EYS: variants seen among roughly 807,000 people sequenced by gnomAD.
EYS encodes the protein EGF-like photoreceptor maintenance factor, also known as protein eyes shut homolog.
In EYS, 250 loss-of-function variants were observed where a neutral mutation model predicts 282.1. The observed-to-expected ratio is 0.89, with a 90% CI of 0.80 to 0.98. EYS has a LOEUF of 0.98. Among genes scored for constraint, EYS ranks in the 50% least tolerant of loss-of-function variants. The probability of loss-of-function intolerance (pLI) is 0.00; values close to 1 mark genes in which losing one functional copy is unlikely to be tolerated. For missense variants in EYS, 4,016 were observed against 3,709.0 expected, an observed-to-expected ratio of 1.08 and a Z score of -2.15; for synonymous variants, 1,355 against 1,282.9, an observed-to-expected ratio of 1.06 and a Z score of -1.20.
Position 64,541,551 on chromosome 6 carries a change from T to C in EYS, c.5644+48672A>G, listed in dbSNP as rs559511880. Among the ~76,000 whole-genome samples the C allele has an allele frequency of 2.6e-5, 4 of 152,338 alleles. No individual in the cohort carries two copies. In the South Asian group the frequency reaches 8.3e-4, roughly 32 times the overall value. ...TCCTTCCTCTCTGTTTCATTTTTTT[T>C]TCAGAAGCCTCCAACATACCATGTT... On this transcript the variant is annotated intron_variant, in intron 26 of 42. Coordinates refer to ENST00000503581, the MANE Select transcript of EYS (RefSeq NM_001142800.2).
intron 22 of EYS, among the ~76,000 whole-genome samples, chr6:64,690,063 T>A (rs1409551197): frequency 6.6e-6 from 1 of 151,642 alleles, no homozygotes; most frequent in African/African-American, 2.4e-5. Context: ...GGAGAAAATT[T>A]TTGCAATCTA....
At chr6:63,914,207 T>C (rs1229045249) in intron 35 of EYS, among the ~76,000 whole-genome samples, 1 of 152,172 alleles carries the variant, frequency 6.6e-6, no homozygotes, top group African/African-American at 2.4e-5. Context: ...CAATGACCTC[T>C]AAGTGTTTAA....
chr6:64,994,054 G>A (rs1459350758), intron 14 of EYS, among the ~76,000 whole-genome samples: 1 of 151,446 alleles, frequency 6.6e-6, no homozygotes, highest in African/African-American at 2.4e-5. Context: ...AATGAGAGGG[G>A]AAATACTAGA....
At chr6:64,408,303 G>A (rs1478876111) in intron 28 of EYS, among the ~76,000 whole-genome samples, 1 of 152,116 alleles carries the variant, frequency 6.6e-6, no homozygotes, top group Non-Finnish European at 1.5e-5. Context: ...AAATGTGATT[G>A]TGACTGCTAC....
At chr6:64,450,990 C>A (rs936665908) in intron 26 of EYS, among the ~76,000 whole-genome samples, 1 of 152,026 alleles carries the variant, frequency 6.6e-6, no homozygotes, top group Admixed American at 6.6e-5. Context: ...TAGCAGAAGG[C>A]AAGAAATAAC....
intron 26 of EYS, among the ~76,000 whole-genome samples, chr6:64,471,091 A>G (rs1202119313): frequency 6.6e-6 from 1 of 152,198 alleles, no homozygotes; most frequent in Admixed American, 6.5e-5. Flanking sequence ...AAAGAGAAAA[A>G]GGCATCAAGT....
chr6:65,554,885 A>G (rs1338485812), intron 2 of EYS, among the ~76,000 whole-genome samples: 1 of 152,206 alleles, frequency 6.6e-6, no homozygotes, highest in Non-Finnish European at 1.5e-5. Flanking sequence ...GTCTGGTATC[A>G]GCCCTGATCT....
At chr6:64,626,301 A>G in intron 22 of EYS, 56 bp from the exon 23 acceptor site, 1 of 1,483,636 alleles carries the variant, frequency 6.7e-7, no homozygotes, top group South Asian at 1.4e-5. Context: ...GAGCACTATC[A>G]CTTTTCATCT....
At chr6:64,318,916 T>C (rs1256618570) in intron 29 of EYS, among the ~76,000 whole-genome samples, 1 of 151,886 alleles carries the variant, frequency 6.6e-6, no homozygotes, top group Non-Finnish European at 1.5e-5. Flanking sequence ...CTATGAGCGT[T>C]CCAATTTTAC....
intron 12 of EYS, among the ~76,000 whole-genome samples, chr6:65,283,444 A>C (rs1376085237): frequency 6.6e-6 from 1 of 151,966 alleles, no homozygotes; most frequent in Non-Finnish European, 1.5e-5. Context: ...ATTTATCAAT[A>C]TGGTGGCAGT....
intron 35 of EYS, among the ~76,000 whole-genome samples, chr6:63,946,621 A>C (rs1765404472): frequency 6.6e-6 from 1 of 152,162 alleles, no homozygotes; most frequent in Non-Finnish European, 1.5e-5. Context: ...GGTTTACACA[A>C]GGTGTAACTG....
intron 30 of EYS, among the ~76,000 whole-genome samples, chr6:64,238,147 G>A (rs577216582): frequency 3.3e-5 from 5 of 152,212 alleles, no homozygotes; most frequent in African/African-American, 1.2e-4. Context: ...CGGGACAAAT[G>A]CATTTCTTTC....
intron 22 of EYS, among the ~76,000 whole-genome samples, chr6:64,704,904 T>C (rs1300881965): frequency 6.6e-6 from 1 of 152,030 alleles, no homozygotes; most frequent in Non-Finnish European, 1.5e-5. Flanking sequence ...AGCATTCCCG[T>C]TGAAAACTGG....
intron 35 of EYS, among the ~76,000 whole-genome samples, chr6:63,938,906 A>G (rs1445591493): frequency 6.6e-6 from 1 of 152,152 alleles, no homozygotes; most frequent in African/African-American, 2.4e-5. Context: ...GGAGCACAAA[A>G]GTGAACTAAA....
intron 2 of EYS, among the ~76,000 whole-genome samples, chr6:65,586,302 C>G (rs354359): frequency 0.49 from 74,407 of 151,810 alleles, 18,439 homozygotes; most frequent in East Asian, 0.65. Flanking sequence ...ATGCACTGCT[C>G]TTACACTGAT....
intron 2 of EYS, among the ~76,000 whole-genome samples, chr6:65,628,100 G>T (rs994969494): frequency 1.5e-4 from 23 of 152,170 alleles, no homozygotes; most frequent in Middle Eastern, 3.2e-3. Flanking sequence ...GTTTGTGAGT[G>T]CACCAGTGGA....
intron 28 of EYS, among the ~76,000 whole-genome samples, chr6:64,419,322 G>A (rs1774153964): frequency 6.6e-6 from 1 of 152,042 alleles, no homozygotes; most frequent in Non-Finnish European, 1.5e-5. Context: ...GAGAATTATG[G>A]GAACTACAAT....
intron 15 of EYS, among the ~76,000 whole-genome samples, chr6:64,940,900 A>G (rs1462307407): frequency 6.6e-6 from 1 of 152,072 alleles, no homozygotes; most frequent in East Asian, 1.9e-4. Flanking sequence ...GGCAAAAGAG[A>G]ATGTATGATT....
intron 33 of EYS, among the ~76,000 whole-genome samples, chr6:64,056,382 T>A (rs559697681): frequency 6.6e-6 from 1 of 152,314 alleles, no homozygotes; most frequent in South Asian, 2.1e-4. Flanking sequence ...AGTATCAGAT[T>A]CGCCTGTTGG....
Sources: gnomAD v4.1 joint callset for allele counts (sites outside exome capture counted in the v4.1 genomes callset) on GRCh38, gnomAD v4.1.1 for gene constraint, MANE v1.5 for transcripts, NCBI Gene and HGNC (gene_info 2026-07-23, HGNC 2026-07-21) for gene names.